The following OBP2B variants were observed in gnomAD, a reference collection of about 807,000 sequenced individuals.
OBP2B encodes the protein odorant binding protein 2B.
Under a neutral mutation model 21.7 loss-of-function variants are expected in OBP2B, and 10 were observed. That is an observed-to-expected ratio of 0.46 (90% CI 0.28 to 0.78). The LOEUF is 0.78. Among genes scored for constraint, OBP2B ranks in the 30% least tolerant of loss-of-function variants. The pLI is 0.11. For synonymous variants in OBP2B, 73 were observed against 91.5 expected, an observed-to-expected ratio of 0.80 and a Z score of 1.16; for missense variants, 153 against 217.7, an observed-to-expected ratio of 0.70 and a Z score of 1.87.
intron 4 of OBP2B, among the ~76,000 whole-genome samples, chr9:133,206,683 G>C (rs1405446972): frequency 2.0e-5 from 3 of 151,638 alleles, no homozygotes; most frequent in Non-Finnish European, 4.4e-5. Context: ...GGACAAGCAG[G>C]AGAGGAGACT....
chr9:133,208,200 C>A lies in OBP2B; in HGVS notation c.210G>T (p.Arg70Ser), dbSNP rs782388408. ...GKLEATFTFM[R>S]EDRCIQKKIL... is the part of the protein sequence containing the mutation. ...TTTTCTTCTGGATGCACCTATCCTC[C>A]CTCCTGGAAAACAGGAGACACGCGG... is the stretch of plus-strand genomic sequence containing the variant. The change falls in exon 3 of 7, where the codon AGG becomes AGT. Residue 70 changes from arginine to serine, a missense_variant. Coordinates refer to ENST00000372034, the MANE Select transcript of OBP2B (RefSeq NM_014581.4). 3 of 1,611,978 alleles carry A rather than the reference C, an allele frequency of 1.9e-6. No individual in the cohort carries two copies. The South Asian group carries it at 3.3e-5, about 18-fold the overall frequency.
the OBP2B span, among the ~76,000 whole-genome samples, chr9:133,222,936 A>C: frequency 6.7e-6 from 1 of 149,756 alleles, no homozygotes; most frequent in African/African-American, 2.5e-5. Context: ...ACCCCCAACC[A>C]CTCTCCCTTC....
chr9:133,208,287 G>A (rs782713661), intron 2 of OBP2B, 84 bp from the exon 3 acceptor site: 47 of 1,604,810 alleles, frequency 2.9e-5, no homozygotes, highest in Middle Eastern at 2.3e-4. Flanking sequence ...GCCCTGACCC[G>A]GCAACCTGAA....
intron 6 of OBP2B, chr9:133,205,675 G>A (rs1197761643): frequency 9.9e-5 from 62 of 624,696 alleles, no homozygotes; most frequent in Admixed American, 2.3e-4. Flanking sequence ...GGGAGGCCTC[G>A]CTGTGGAAAG....
At chr9:133,206,771 G>A (rs1256576492) in intron 4 of OBP2B, among the ~76,000 whole-genome samples, 7 of 151,916 alleles carry the variant, frequency 4.6e-5, no homozygotes, top group African/African-American at 7.3e-5. Context: ...TCCCCAGGAA[G>A]GGGGACAGTG....
At chr9:133,220,635 C>G in the OBP2B span, among the ~76,000 whole-genome samples, 1 of 150,152 alleles carries the variant, frequency 6.7e-6, no homozygotes, top group African/African-American at 2.5e-5. Context: ...CATCCTCATC[C>G]CTGGCCCTGT....
upstream of OBP2B, among the ~76,000 whole-genome samples, chr9:133,211,623 A>C (rs565582595): frequency 7.2e-5 from 11 of 152,324 alleles, no homozygotes; most frequent in African/African-American, 2.6e-4. Context: ...TTCTAAGTGG[A>C]ACAATCAAAT....
chr9:133,212,370 C>T (rs1266927689), upstream of OBP2B, among the ~76,000 whole-genome samples: 1 of 152,212 alleles, frequency 6.6e-6, no homozygotes, highest in Non-Finnish European at 1.5e-5. Context: ...AACAGCACTA[C>T]ACACATTCTT....
upstream of OBP2B, among the ~76,000 whole-genome samples, chr9:133,214,023 C>T (rs374036060): frequency 2.6e-5 from 4 of 152,108 alleles, no homozygotes; most frequent in African/African-American, 9.7e-5. Context: ...TAATTCTACA[C>T]CATGACCAAA....
chr9:133,216,926 T>C, the OBP2B span, among the ~76,000 whole-genome samples: 4 of 151,868 alleles, frequency 2.6e-5, no homozygotes, highest in Admixed American at 2.6e-4. Context: ...GAATCTACAA[T>C]GTCTCAGGGT....
chr9:133,218,666 A>C, the OBP2B span, among the ~76,000 whole-genome samples: 1 of 152,172 alleles, frequency 6.6e-6, no homozygotes, highest in Non-Finnish European at 1.5e-5. Context: ...TGAGAATGGG[A>C]GCTAACGAGC....
intron 5 of OBP2B, 115 bp from the exon 6 acceptor site, chr9:133,206,055 C>T (rs1425905388): frequency 4.2e-6 from 6 of 1,420,894 alleles, no homozygotes; most frequent in Non-Finnish European, 5.9e-6. Flanking sequence ...AGCGCGGAGC[C>T]CCAGACCCCA....
intron 6 of OBP2B, 22 bp downstream of exon 6, chr9:133,205,895 G>A (rs1249120833): frequency 6.2e-7 from 1 of 1,613,876 alleles, no homozygotes; most frequent in Non-Finnish European, 8.5e-7. Flanking sequence ...CTTGTCCAGT[G>A]CCCTCCTAAA....
chr9:133,208,452 C>A lies in OBP2B; in HGVS notation c.206+17G>T. The A allele has an allele frequency of 6.2e-7, 1 of 1,611,612 alleles. No homozygotes were observed. Among genetic ancestry groups the A allele is most frequent in the Non-Finnish European group, 8.5e-7 (1 of 1,178,448 alleles). On this transcript the variant is annotated intron_variant, in intron 2 of 6. Transcript: ENST00000372034. ...AGCGAAAGTGGCCTGAGGGGCCCTG[C>A]AGTGGGCAACACTCACATGAAGGTG...
chr9:133,213,156 C>G (rs1403536002), upstream of OBP2B, among the ~76,000 whole-genome samples: 30 of 152,022 alleles, frequency 2.0e-4, no homozygotes, highest in Admixed American at 1.8e-3. Flanking sequence ...AGGAGAATTA[C>G]TTCAACCCAG....
the OBP2B span, among the ~76,000 whole-genome samples, chr9:133,220,723 G>A: frequency 6.6e-6 from 1 of 152,188 alleles, no homozygotes; most frequent in East Asian, 1.9e-4. Flanking sequence ...ATGTGTGCAT[G>A]GTAAAACGGA....
upstream of OBP2B, among the ~76,000 whole-genome samples, chr9:133,213,679 A>G (rs868961276): frequency 6.6e-6 from 1 of 152,272 alleles, no homozygotes. Context: ...CTTCCCACAT[A>G]TATTTGACAA....
Position 133,209,050 on chromosome 9 carries a change from T to A in OBP2B, c.72+78A>T. On this transcript the variant is annotated intron_variant, in intron 1 of 6. Coordinates refer to ENST00000372034, the MANE Select transcript of OBP2B (RefSeq NM_014581.4). This position sits in a 1 kb window ranked among gnomAD's most constrained non-coding sequence, Gnocchi z 6.0. ...GAAGCCAGCCTTCAGTGACACCTCC[T>A]AAAGCAGGGCCCCTGGCACTGCCCC... 6.3e-7 allele frequency: 1 copy of A among 1,577,660 alleles called. No homozygotes were observed. Among genetic ancestry groups the A allele is most frequent in the Non-Finnish European group, 8.6e-7 (1 of 1,162,528 alleles).
At chr9:133,221,962 C>A in the OBP2B span, among the ~76,000 whole-genome samples, 6 of 152,290 alleles carry the variant, frequency 3.9e-5, no homozygotes, top group African/African-American at 1.4e-4. Context: ...CCTGAACCTG[C>A]CTGGGCAGAA....
Sources: allele counts gnomAD v4.1 joint callset (sites outside exome capture counted in the v4.1 genomes callset), GRCh38; gene constraint gnomAD v4.1.1; non-coding constraint Gnocchi (gnomAD v3.1); transcripts MANE v1.5; gene names NCBI Gene and HGNC (gene_info 2026-07-23, HGNC 2026-07-21).